TRHDE: variants seen among roughly 807,000 people sequenced by gnomAD.
TRHDE encodes the protein thyrotropin-releasing hormone-degrading ectoenzyme.
In TRHDE, 72 loss-of-function variants were observed where a neutral mutation model predicts 125.7. The observed-to-expected ratio is 0.57, with a 90% CI of 0.47 to 0.70. TRHDE has a LOEUF of 0.70. TRHDE is among the 30% of genes least tolerant of loss of function. TRHDE has a pLI of 0.00. For synonymous variants in TRHDE, 509 were observed against 509.1 expected (o/e 1.00, Z 0.00); for missense variants, 1,110 against 1,327.1 (o/e 0.84, Z 2.54).
chr12:72,141,708 A>G (rs1876115061), intron 2 of TRHDE, among the ~76,000 whole-genome samples: 1 of 152,260 alleles, frequency 6.6e-6, no homozygotes, highest in African/African-American at 2.4e-5. Flanking sequence ...ATAAATATCA[A>G]TACAACATGA....
At chr12:72,198,107 T>C (rs139203316) in intron 2 of TRHDE, among the ~76,000 whole-genome samples, 36 of 152,262 alleles carry the variant, frequency 2.4e-4, no homozygotes, top group African/African-American at 8.2e-4. Context: ...ATCATAATGT[T>C]TTCAAGATTC....
intron 5 of TRHDE, among the ~76,000 whole-genome samples, chr12:72,489,057 C>T (rs183976405): frequency 2.0e-4 from 30 of 151,294 alleles, no homozygotes; most frequent in African/African-American, 7.3e-4. Flanking sequence ...AATCAAGCTC[C>T]AAAATAAATC....
At chr12:72,415,254 A>G (rs1192867382) in intron 3 of TRHDE, among the ~76,000 whole-genome samples, 1 of 152,128 alleles carries the variant, frequency 6.6e-6, no homozygotes, top group Non-Finnish European at 1.5e-5. Context: ...TGTAATGGAT[A>G]TATAATAGTT....
intron 15 of TRHDE, among the ~76,000 whole-genome samples, chr12:72,651,724 A>G (rs2136109567): frequency 6.6e-6 from 1 of 152,110 alleles, no homozygotes; most frequent in South Asian, 2.1e-4. Flanking sequence ...TGCATTTTGG[A>G]TCAAAGTCAA....
chr12:72,105,528 T>C (rs1450723136), intron 1 of TRHDE: 2 of 152,156 alleles, frequency 1.3e-5, no homozygotes, highest in Non-Finnish European at 2.9e-5. Context: ...AATAATATAA[T>C]AATGGTAATA....
chr12:72,163,263 A>C (rs1372189287), intron 2 of TRHDE: 1 of 152,246 alleles, frequency 6.6e-6, no homozygotes, highest in East Asian at 1.9e-4. Context: ...TTGCCAGCTA[A>C]AGCAGCTCCT....
chr12:72,345,004 G>A (rs192254335), intron 2 of TRHDE, among the ~76,000 whole-genome samples: 95 of 152,196 alleles, frequency 6.2e-4, no homozygotes, highest in African/African-American at 2.0e-3. Flanking sequence ...TAATTCCTAC[G>A]TGGTTGACAT....
Position 72,249,127 on chromosome 12 carries a change from C to T in TRHDE, n.280-128868C>T, listed in dbSNP as rs144262253. Among the ~76,000 whole-genome samples, 644 of 151,864 alleles carry T rather than the reference C, an allele frequency of 4.2e-3. 4 individuals are homozygous for T. Among genetic ancestry groups the T allele is most frequent in the African/African-American group, 0.014 (589 of 41,396 alleles). On this transcript the variant is annotated intron_variant and non_coding_transcript_variant, in intron 2 of 4. Coordinates refer to the TRHDE transcript ENST00000548156. Reference sequence around the variant, plus strand: ...AAAGCATAGGAGAAAATCTTCATGACGTTGGGGTAGGCAAAATTTTCATAG... The same window carrying T: ...AAAGCATAGGAGAAAATCTTCATGATGTTGGGGTAGGCAAAATTTTCATAG...
chr12:72,615,854 G>A (rs1158623294), intron 12 of TRHDE, among the ~76,000 whole-genome samples: 2 of 152,094 alleles, frequency 1.3e-5, no homozygotes, highest in Non-Finnish European at 2.9e-5. Context: ...GACCCAGGCA[G>A]GTTTTCGATA....
chr12:72,252,389 T>C (rs1448959606), intron 2 of TRHDE, among the ~76,000 whole-genome samples: 1 of 152,128 alleles, frequency 6.6e-6, no homozygotes, highest in Non-Finnish European at 1.5e-5. Flanking sequence ...AAGGCTATCC[T>C]TCCTTCACTG....
At chr12:72,412,040 A>G (rs1364781368) in intron 3 of TRHDE, among the ~76,000 whole-genome samples, 1 of 152,206 alleles carries the variant, frequency 6.6e-6, no homozygotes, top group African/African-American at 2.4e-5. Flanking sequence ...ATAATATAAG[A>G]GAATAATTTC....
chr12:72,310,719 T>A lies in TRHDE; in HGVS notation c.1188+23765T>A, dbSNP rs1174386416. ...GCGAGAAGGCAGCCATTTAAATTCC[T>A]AATTAAAATGAAGTTTTTGCTTCCC... On this transcript the variant is annotated intron_variant, in intron 2 of 18. Coordinates refer to ENST00000261180, the MANE Select transcript of TRHDE (RefSeq NM_013381.3). 3.3e-5 allele frequency among the ~76,000 whole-genome samples: 5 copies of A among 152,178 alleles called. 1 individual carries two copies. The highest frequency in any genetic ancestry group is 7.3e-5 in the Non-Finnish European group (5 of 68,034).
chr12:72,443,747 C>A (rs561557784), intron 3 of TRHDE, among the ~76,000 whole-genome samples: 1 of 151,788 alleles, frequency 6.6e-6, no homozygotes, highest in Admixed American at 6.6e-5. Flanking sequence ...GGGTTTAATA[C>A]TAACAAGTAG....
chr12:72,592,169 C>T (rs1334597159), intron 12 of TRHDE, among the ~76,000 whole-genome samples: 2 of 152,014 alleles, frequency 1.3e-5, no homozygotes, highest in African/African-American at 4.8e-5. Flanking sequence ...TATTCTTTGC[C>T]AAGAATAATT....
intron 2 of TRHDE, among the ~76,000 whole-genome samples, chr12:72,227,278 A>G (rs1878151318): frequency 6.6e-6 from 1 of 152,226 alleles, no homozygotes; most frequent in African/African-American, 2.4e-5. Flanking sequence ...ATAGTTCCAC[A>G]TGGCTGGGAA....
chr12:72,340,284 T>G (rs1367302625), intron 2 of TRHDE, among the ~76,000 whole-genome samples: 2 of 152,158 alleles, frequency 1.3e-5, no homozygotes, highest in Non-Finnish European at 2.9e-5. Context: ...ATGTTTTTTG[T>G]TATAAGGCTT....
intron 2 of TRHDE, among the ~76,000 whole-genome samples, chr12:72,114,760 G>A (rs974033488): frequency 4.6e-5 from 7 of 152,022 alleles, no homozygotes; most frequent in Admixed American, 3.9e-4. Context: ...AGTACAGGAT[G>A]TGCAGAGAGT....
rs1398119707 is a variant in TRHDE at position 72,638,406 on chromosome 12, G to A, written c.2676-13916G>A. 3.4e-3 allele frequency among the ~76,000 whole-genome samples: 512 copies of A among 151,966 alleles called. 1 individual carries two copies. Among genetic ancestry groups the A allele is most frequent in the Middle Eastern group, 0.014 (4 of 294 alleles). ...TTTGAGCCTATGTTTGTCTCTGCAC[G>A]TGAGATGGGTTTCCTGAATACAGCA... On this transcript the variant is annotated intron_variant, in intron 15 of 18. Coordinates refer to ENST00000261180, the MANE Select transcript of TRHDE (RefSeq NM_013381.3).
chr12:72,652,817 A>C (rs939251812), intron 16 of TRHDE, among the ~76,000 whole-genome samples, 199 bp from the exon 17 acceptor site: 1 of 151,894 alleles, frequency 6.6e-6, no homozygotes, highest in Non-Finnish European at 1.5e-5. Context: ...TTAGAATTTA[A>C]TGTTTTTAAT....
Sources: gnomAD v4.1 joint callset for allele counts (sites outside exome capture counted in the v4.1 genomes callset) on GRCh38, gnomAD v4.1.1 for gene constraint, MANE v1.5 for transcripts, NCBI Gene and HGNC (gene_info 2026-07-23, HGNC 2026-07-21) for gene names.